MXRA5: variants seen among roughly 807,000 people sequenced by gnomAD.
MXRA5 encodes matrix remodeling associated 5.
A neutral mutation model predicts 112.5 loss-of-function variants in MXRA5; 41 were observed. That is an observed-to-expected ratio of 0.36 (90% CI 0.28 to 0.47). The LOEUF is 0.47. Ranked by LOEUF, MXRA5 falls within the 20% of genes least tolerant of loss-of-function variation. The pLI, the probability that MXRA5 is intolerant of heterozygous loss-of-function variation, is 0.99. For missense variants in MXRA5, 2,150 were observed against 2,251.0 expected (o/e 0.96, Z 0.91); for synonymous variants, 862 against 900.8 (o/e 0.96, Z 0.77).
intron 2 of MXRA5, among the ~76,000 whole-genome samples, chrX:3,340,611 T>G (rs898085806): frequency 9.0e-6 from 1 of 111,373 alleles, no homozygotes; most frequent in African/African-American, 3.3e-5. Context: ...CATGTTGGTA[T>G]GTCTGTTTTA....
intron 6 of MXRA5, 147 bp downstream of exon 6, chrX:3,316,956 G>A (rs1921152042): frequency 4.3e-6 from 3 of 690,719 alleles, no homozygotes; most frequent in African/African-American, 2.2e-5. Flanking sequence ...GATTACAGGC[G>A]TGAGCCACCG....
Position 3,320,053 on chromosome X carries a change from T to C in MXRA5, c.5632A>G (p.Thr1878Ala), listed in dbSNP as rs1301223735. ...ETDTVFPCEATGKPKPFVTWT... is the reference protein window; with the variant it reads ...ETDTVFPCEAAGKPKPFVTWT... ...GTAACGAAAGGCTTTGGTTTTCCTG[T>C]TGCCTCACAGGGGAACACAGTGTCT... The change falls in exon 5 of 7, where the codon ACA becomes GCA. Residue 1878 changes from threonine to alanine, a missense_variant. Thr to Ala is a moderately conservative substitution (Grantham distance 58, BLOSUM62 0). Around this residue, in one of 6 missense-constraint regions of MXRA5, gnomAD observed 1,485 missense variants for 1,471.6 expected, o/e 1.01. Transcript: ENST00000217939. 8.3e-7 allele frequency: 1 copy of C among 1,209,455 alleles called. No individual in the cohort carries two copies. The highest frequency in any genetic ancestry group is 1.1e-6 in the Non-Finnish European group (1 of 894,333).
Position 3,324,712 on chromosome X carries a change from C to T in MXRA5, c.973G>A (p.Glu325Lys), listed in dbSNP as rs148104868. The T allele has an allele frequency of 9.9e-6, 12 of 1,208,312 alleles. No homozygotes were observed. The highest frequency in any genetic ancestry group is 7.0e-5 in the African/African-American group (4 of 56,968). The change falls in exon 5 of 7, where the codon GAG becomes AAG. Residue 325 changes from glutamate (E) to lysine (K), a missense_variant. This residue lies in a region of MXRA5 where 386 missense variants were observed against 411.0 expected (regional missense o/e 0.94). Coordinates refer to ENST00000217939, the MANE Select transcript of MXRA5 (RefSeq NM_015419.4). ...QWSISLNMTDEHGNMVNLVCD... is the reference protein window; with the variant it reads ...QWSISLNMTDKHGNMVNLVCD... Reference sequence around the variant, plus strand: ...ACCAAGTTCACCATGTTCCCGTGCTCGTCGGTCATATTCAAAGAGATGCTC... The same window carrying T: ...ACCAAGTTCACCATGTTCCCGTGCTTGTCGGTCATATTCAAAGAGATGCTC...
intron 5 of MXRA5, among the ~76,000 whole-genome samples, chrX:3,319,721 C>T (rs954763673): frequency 1.3e-4 from 14 of 111,355 alleles, no homozygotes; most frequent in African/African-American, 3.9e-4. Flanking sequence ...TTGGATGCTA[C>T]GCTGGCTACC....
In MXRA5 at chrX:3,321,938, G is replaced by C. The variant is rs3813167; in HGVS notation, c.3747C>G (p.Ser1249Arg). ...TGGGCTTGGATCCGGACGCTCTTGA[G>C]CTCACTGTAGAAGGGGTATATCGAT... ...NKHRYTPSTV[S>R]SRASGSKPSP... The change falls in exon 5 of 7, where the codon AGC becomes AGG. Residue 1249 changes from serine (S) to arginine (R), a missense_variant. Physicochemically the swap from Ser to Arg is moderately radical, Grantham distance 110. This residue lies in a region of MXRA5 where 1,485 missense variants were observed against 1,471.6 expected (regional missense o/e 1.01). Transcript: ENST00000217939. The C allele has an allele frequency of 8.3e-7, 1 of 1,210,597 alleles. No individual in the cohort carries two copies. The highest frequency in any genetic ancestry group is 1.7e-5 in the African/African-American group (1 of 57,383).
chrX:3,315,401 A>G (rs1241162731), intron 6 of MXRA5, among the ~76,000 whole-genome samples: 128 of 77,395 alleles, frequency 1.7e-3, no homozygotes, highest in East Asian at 2.4e-3. Flanking sequence ...TGATAGATAG[A>G]TAGATAGATA....
intron 1 of MXRA5, among the ~76,000 whole-genome samples, chrX:3,346,288 T>C (rs901563703): frequency 8.9e-6 from 1 of 112,030 alleles, no homozygotes; most frequent in Non-Finnish European, 1.9e-5. Flanking sequence ...CAGTGCATCC[T>C]CCTTCAAGAT....
rs1921300844 is a variant in MXRA5, at chrX:3,321,422, C to G, written c.4263G>C (p.Glu1421Asp). 1 of 1,211,535 alleles carries G rather than the reference C, an allele frequency of 8.3e-7. No individual in the cohort carries two copies. Among genetic ancestry groups the G allele is most frequent in the Middle Eastern group, 2.3e-4 (1 of 4,339 alleles). Residue 1421 changes from glutamate to aspartate, a missense_variant, in exon 5 of 7, where the codon GAG becomes GAC. Physicochemically the swap from Glu to Asp is conservative, Grantham distance 45 (BLOSUM62 2). Coordinates refer to ENST00000217939, the MANE Select transcript of MXRA5 (RefSeq NM_015419.4). ...TGGAGACTGTCAAAGAGGACAAAAACTCGGAAGTGAAATCCACATCCTCAA... is the reference window on the plus strand; with the variant it reads ...TGGAGACTGTCAAAGAGGACAAAAAGTCGGAAGTGAAATCCACATCCTCAA... ...KELEDVDFTS[E>D]FLSSLTVSTP...
At position 3,328,067 on chromosome X, in the gene MXRA5, C is replaced by G. The variant is rs141101188; in HGVS notation, c.709+1951G>C. Among the ~76,000 whole-genome samples the G allele has an allele frequency of 4.8e-3, 543 of 112,322 alleles. 3 individuals are homozygous for G. Among genetic ancestry groups the G allele is most frequent in the Non-Finnish European group, 7.8e-3 (414 of 53,286 alleles). ...AGCCATCCAAATGCATTTTCAGGCC[C>G]CCTTACATCCACTGGGGTGTGAGGA... On this transcript the variant is annotated intron_variant, in intron 4 of 6. Transcript: ENST00000217939.
chrX:3,330,968 T>A (rs1285219902), intron 2 of MXRA5, among the ~76,000 whole-genome samples, 195 bp from the exon 3 acceptor site: 1 of 111,327 alleles, frequency 9.0e-6, no homozygotes, highest in Non-Finnish European at 1.9e-5. Flanking sequence ...AGCGGTGCAA[T>A]CGTAGCTCAG....
Position 3,312,216 on chromosome X carries a change from G to A in MXRA5, c.6579-592C>T, listed in dbSNP as rs1920998341. 2.7e-5 allele frequency among the ~76,000 whole-genome samples: 3 copies of A among 111,538 alleles called. No homozygotes were observed. In the Admixed American group the frequency reaches 2.9e-4, roughly 11 times the overall value. On this transcript the variant is annotated intron_variant, in intron 6 of 6. Transcript: ENST00000217939. The stretch of plus-strand genomic sequence containing the variant: ...GGATCTTCAGAAGCTGGCCCTATTG[G>A]TGTAACAGGTTTTCTAGAATTTGTA...
Position 3,323,042 on chromosome X carries a change from GCTTGTTA to G in MXRA5, c.2636_2642del (p.Val879AlafsTer18). On this transcript the variant is annotated frameshift_variant, in exon 5 of 7. Transcript: ENST00000217939. LOFTEE classifies it high-confidence loss of function. ...CATCAACAACTTCCTCCAGAGGTGT[GCTTGTTA>G]CTTCAGGTTCAACAAGAATAACTCC... is the stretch of plus-strand genomic sequence containing the variant. 8.3e-7 allele frequency: 1 copy of G among 1,211,690 alleles called. No homozygotes were observed. The highest frequency in any genetic ancestry group is 1.1e-6 in the Non-Finnish European group (1 of 895,452).
At chrX:3,312,753 A>G (rs924841621) in intron 6 of MXRA5, among the ~76,000 whole-genome samples, 1 of 109,971 alleles carries the variant, frequency 9.1e-6, no homozygotes. Context: ...TTTATTTTGT[A>G]GAGAAGGGAT....
chrX:3,333,294 C>T (rs1160630959), intron 2 of MXRA5, among the ~76,000 whole-genome samples: 1 of 28,759 alleles, frequency 3.5e-5, no homozygotes, highest in Admixed American at 5.9e-4. Context: ...CAGAGCAATA[C>T]CCCATATCAA....
rs762089365 is a variant in MXRA5, at chrX:3,321,460, G to C, written c.4225C>G (p.Leu1409Val). The C allele has an allele frequency of 3.3e-6, 4 of 1,211,192 alleles. No homozygotes were observed. The South Asian group carries it at 7.0e-5, about 21-fold the overall frequency. The change falls in exon 5 of 7, where the codon CTT becomes GTT. Residue 1409 changes from leucine to valine, a missense_variant. Leu to Val is a conservative substitution (Grantham distance 32). Coordinates refer to ENST00000217939, the MANE Select transcript of MXRA5 (RefSeq NM_015419.4). ...TCCACATCCTCAAGCTCTTTAAGAA[G>C]GGGAGGGTCTGTAAGATTTTCCCCA... ...TSGENLTDPPLLKELEDVDFT... is the reference protein window; with the variant it reads ...TSGENLTDPPVLKELEDVDFT...
At chrX:3,318,807 G>T (rs1333631113) in intron 5 of MXRA5, among the ~76,000 whole-genome samples, 3 of 111,631 alleles carry the variant, frequency 2.7e-5, no homozygotes, top group Admixed American at 1.9e-4. Context: ...TGAATGAATG[G>T]ATAAAGGGAA....
rs368514114 is a variant in MXRA5, at chrX:3,323,696, C to T, written c.1989G>A (p.Thr663=). 3.3e-5 allele frequency: 40 copies of T among 1,208,026 alleles called. No homozygotes were observed. Among genetic ancestry groups the T allele is most frequent in the Non-Finnish European group, 3.8e-5 (34 of 893,771 alleles). ...AVNQQGADHF[T]VGITVTKKGS... is the part of the protein sequence containing the mutation. ...CTTTCTTGGTCACTGTGATTCCCAC[C>T]GTAAAATGGTCTGCCCCTTGCTGGT... Residue 663 remains threonine (T), a synonymous_variant, in exon 5 of 7, where the codon ACG becomes ACA. Transcript: ENST00000217939.
rs779512750 is a variant in MXRA5 at position 3,309,856 on chromosome X, G to T, written c.8347C>A (p.Leu2783Met). ...SHLKAGVQARLYGNRFLHPQG... is the reference protein window; with the variant it reads ...SHLKAGVQARMYGNRFLHPQG... ...GGGTGAAGAAATCTGTTTCCATACA[G>T]ACGAGCCTGAACCCCTGCCTTCAGA... The change falls in exon 7 of 7, where the codon CTG becomes ATG. Residue 2783 changes from leucine to methionine, a missense_variant. By Grantham distance (15) the Leu-to-Met change is conservative (BLOSUM62 2). This residue lies in a region of MXRA5 where 178 missense variants were observed against 198.2 expected (regional missense o/e 0.90). Coordinates refer to ENST00000217939, the MANE Select transcript of MXRA5 (RefSeq NM_015419.4). 5 of 1,211,727 alleles carry T rather than the reference G, an allele frequency of 4.1e-6. No individual in the cohort carries two copies. In the South Asian group the frequency reaches 7.0e-5, roughly 17 times the overall value.
rs1473272637 is a variant in MXRA5, at chrX:3,308,954, T to C, written c.*762A>G. Reference sequence around the variant, plus strand: ...TGAAGGAGGTTGGAGAGAAATTTTTTAAAATTATATTTCCATGTCTGCTGT... The same window carrying C: ...TGAAGGAGGTTGGAGAGAAATTTTTCAAAATTATATTTCCATGTCTGCTGT... On this transcript the variant is annotated 3_prime_UTR_variant, in exon 7 of 7. Coordinates refer to ENST00000217939, the MANE Select transcript of MXRA5 (RefSeq NM_015419.4). The C allele has an allele frequency of 5.4e-5, 6 of 111,685 alleles. No homozygotes were observed. The highest frequency in any genetic ancestry group is 7.5e-5 in the Non-Finnish European group (4 of 53,183). The allele number at this position is 111,685 out of a possible 1,213,427, so 9.2% of individuals were successfully genotyped here. A position where few individuals can be genotyped will look rare whatever the true frequency, so the allele number is the denominator to read the frequency against.
Sources: allele counts gnomAD v4.1 joint callset (sites outside exome capture counted in the v4.1 genomes callset), GRCh38; gene constraint gnomAD v4.1.1; regional missense constraint gnomAD v4.1.1; transcripts MANE v1.5; gene names NCBI Gene and HGNC (gene_info 2026-07-23, HGNC 2026-07-21).